The following TKFC variants were observed in gnomAD, a reference collection of about 807,000 sequenced individuals.
TKFC encodes the protein triokinase/FMN cyclase.
TKFC carries 46 observed loss-of-function variants against 61.0 expected under a neutral mutation model. That is an observed-to-expected ratio of 0.75 (90% CI 0.60 to 0.96). The LOEUF (loss-of-function observed/expected upper bound fraction) is 0.96. Ranked by LOEUF, TKFC falls within the 50% of genes least tolerant of loss-of-function variation. TKFC has a pLI of 0.00. For synonymous variants in TKFC, 314 were observed against 330.1 expected (o/e 0.95, Z 0.53); for missense variants, 715 against 777.5 (o/e 0.92, Z 0.96).
chr11:61,339,838 C>T (rs972736656), intron 5 of TKFC, among the ~76,000 whole-genome samples: 1 of 152,172 alleles, frequency 6.6e-6, no homozygotes, highest in Admixed American at 6.5e-5. Flanking sequence ...CTCCACACTA[C>T]TGCCAGAGGT....
rs28720244 is a variant in TKFC at position 61,333,679 on chromosome 11, C to G, written c.-110+350C>G. The G allele has an allele frequency of 7.9e-5, 12 of 152,330 alleles. No individual in the cohort carries two copies. In the East Asian group the frequency reaches 2.3e-3, roughly 29 times the overall value. The allele number at this position is 152,330 out of a possible 1,614,324, so 9.4% of individuals were successfully genotyped here. Reference sequence around the variant, plus strand: ...TGCTTGCCCAACGTTATTAGTGCCCCTATTGCTCTACAAATTCGAACCTCA... The same window carrying G: ...TGCTTGCCCAACGTTATTAGTGCCCGTATTGCTCTACAAATTCGAACCTCA... On this transcript the variant is annotated intron_variant, in intron 1 of 17. Coordinates refer to ENST00000394900, the MANE Select transcript of TKFC (RefSeq NM_015533.4).
Position 61,348,458 on chromosome 11 carries a change from C to T in TKFC, c.*1955C>T. The T allele has an allele frequency of 1.0e-6, 1 of 985,446 alleles. No homozygotes were observed. 61.0% of individuals were successfully genotyped at this position (985,446 alleles called of 1,614,324 possible). On this transcript the variant is annotated 3_prime_UTR_variant, in exon 18 of 18. Coordinates refer to ENST00000394900, the MANE Select transcript of TKFC (RefSeq NM_015533.4). Reference sequence around the variant, plus strand: ...AATTGGCCCAGAACTCATTTAACCACAGCATCATTTCATTAGAGGGCTGTT... The same window carrying T: ...AATTGGCCCAGAACTCATTTAACCATAGCATCATTTCATTAGAGGGCTGTT...
At chr11:61,340,839 T>A (rs903756261) in intron 5 of TKFC, among the ~76,000 whole-genome samples, 6 of 152,092 alleles carry the variant, frequency 3.9e-5, no homozygotes, top group African/African-American at 1.2e-4. Flanking sequence ...CCTGGAAGGC[T>A]CTCCCTGATC....
downstream of TKFC, chr11:61,352,722 G>T: frequency 9.6e-7 from 1 of 1,037,044 alleles, no homozygotes. Flanking sequence ...ATGATGTAGG[G>T]TGGTTGACAG....
downstream of TKFC, chr11:61,350,512 G>C (rs968950332): frequency 3.3e-6 from 5 of 1,527,686 alleles, no homozygotes; most frequent in Non-Finnish European, 4.5e-6. Flanking sequence ...CCAGCCTGCA[G>C]GGTGGTCCCC....
At chr11:61,351,413 C>T (rs1348282353), downstream of TKFC, 8 of 253,050 alleles carry the variant, frequency 3.2e-5, no homozygotes, top group Non-Finnish European at 6.0e-5. Context: ...CCTCAGCCTC[C>T]CAAGTAGCTG....
Position 61,333,311 on chromosome 11 carries a change from C to T in TKFC, c.-128C>T, listed in dbSNP as rs1856454904. On this transcript the variant is annotated 5_prime_UTR_variant, in exon 1 of 18. Transcript: ENST00000394900. ...GCGCCTTCGGATGTGGCGGATGCGGCCGTGAGCCGGCGGGGGAGGTGCGCC... is the reference window on the plus strand; with the variant it reads ...GCGCCTTCGGATGTGGCGGATGCGGTCGTGAGCCGGCGGGGGAGGTGCGCC... The T allele has an allele frequency of 4.8e-6, 1 of 206,480 alleles. No homozygotes were observed. Among genetic ancestry groups the T allele is most frequent in the East Asian group, 1.0e-4 (1 of 9,550 alleles). 12.8% of individuals were successfully genotyped at this position (206,480 alleles called of 1,614,324 possible).
intron 1 of TKFC, chr11:61,333,979 A>C (rs1856496871): frequency 6.6e-6 from 1 of 152,402 alleles, no homozygotes; most frequent in Non-Finnish European, 1.5e-5. Context: ...TTGTGCACCC[A>C]CACAGAGGCC....
Position 61,345,490 on chromosome 11 carries a change from C to T in TKFC, c.1376C>T (p.Ala459Val). 2 of 1,613,390 alleles carry T rather than the reference C, an allele frequency of 1.2e-6. No homozygotes were observed. Among genetic ancestry groups the T allele is most frequent in the Non-Finnish European group, 1.7e-6 (2 of 1,180,036 alleles). Reference protein sequence around the residue: ...ALYGLFLTAAAQPLKAKTSLP... With the variant: ...ALYGLFLTAAVQPLKAKTSLP... ...TATGGCCTGTTCCTGACTGCGGCTG[C>T]ACAGCCCCTGAAGGCCAAGACCAGC... is the stretch of plus-strand genomic sequence containing the variant. The change falls in exon 15 of 18, where the codon GCA becomes GTA. Residue 459 changes from alanine to valine, a missense_variant. Ala to Val is a moderately conservative substitution (Grantham distance 64). Coordinates refer to ENST00000394900, the MANE Select transcript of TKFC (RefSeq NM_015533.4).
intron 13 of TKFC, 43 bp downstream of exon 13, chr11:61,344,316 C>G (rs1283273597): frequency 1.3e-6 from 2 of 1,577,446 alleles, no homozygotes; most frequent in South Asian, 2.3e-5. Flanking sequence ...TTCACAAAAC[C>G]TTAGCCCCCC....
intron 5 of TKFC, 69 bp downstream of exon 5, chr11:61,339,504 G>A: frequency 6.6e-7 from 1 of 1,505,516 alleles, no homozygotes; most frequent in African/African-American, 1.4e-5. Context: ...GCAGCACCCA[G>A]TAACTGGACC....
intron 3 of TKFC, 109 bp downstream of exon 3, chr11:61,338,239 A>C: frequency 9.0e-7 from 1 of 1,106,114 alleles, no homozygotes; most frequent in Non-Finnish European, 1.2e-6. Flanking sequence ...CAGAATCAGG[A>C]ACTGGGGTAC....
chr11:61,341,209 TAA>T (rs1277768123), intron 5 of TKFC, among the ~76,000 whole-genome samples: 2 of 152,166 alleles, frequency 1.3e-5, no homozygotes, highest in Admixed American at 1.3e-4. Flanking sequence ...TCCCCATTTG[TAA>T]AGTCTCTTCT....
chr11:61,345,766 C>T, intron 16 of TKFC, 21 bp downstream of exon 16: 1 of 1,614,236 alleles, frequency 6.2e-7, no homozygotes, highest in Non-Finnish European at 8.5e-7. Flanking sequence ...AGGCTGTGGC[C>T]TCAGACCTTT....
chr11:61,334,418 G>A lies in TKFC; in HGVS notation c.-109-202G>A, dbSNP rs1565043782. ...TAAAGGCAGACCTGTGCTTGACATG[G>A]ATTGATCTGTCTTCTGGCAGTGAAG... is the stretch of plus-strand genomic sequence containing the variant. On this transcript the variant is annotated intron_variant, in intron 1 of 17. Transcript: ENST00000394900. 2.7e-5 allele frequency: 10 copies of A among 371,546 alleles called. No homozygotes were observed. In the East Asian group the frequency reaches 5.3e-4, roughly 20 times the overall value. The allele number at this position is 371,546 out of a possible 1,614,324, so 23.0% of individuals were successfully genotyped here.
chr11:61,336,808 C>G (rs1856626568), intron 2 of TKFC, among the ~76,000 whole-genome samples: 1 of 152,168 alleles, frequency 6.6e-6, no homozygotes, highest in Admixed American at 6.5e-5. Flanking sequence ...TGTCCACAAC[C>G]CCTCCTGAGG....
downstream of TKFC, chr11:61,350,769 T>A (rs1057117415): frequency 3.0e-5 from 19 of 636,838 alleles, no homozygotes; most frequent in Non-Finnish European, 4.9e-5. Flanking sequence ...GGGGGGAAAT[T>A]CTGTCTCCCA....
At position 61,346,589 on chromosome 11, in the gene TKFC, C is replaced by G; in HGVS notation, c.*86C>G. The G allele has an allele frequency of 6.6e-7, 1 of 1,503,948 alleles. No homozygotes were observed. The highest frequency in any genetic ancestry group is 8.8e-7 in the Non-Finnish European group (1 of 1,131,132). The allele number at this position is 1,503,948 out of a possible 1,614,324, so 93.2% of individuals were successfully genotyped here. On this transcript the variant is annotated 3_prime_UTR_variant, in exon 18 of 18. Coordinates refer to ENST00000394900, the MANE Select transcript of TKFC (RefSeq NM_015533.4). The surrounding 1 kb of genome is among the most constrained non-coding windows in gnomAD (Gnocchi z 4.1). ...TCACTTCCTTCTGCCTTCCAACCCT[C>G]ACCTTCCCCCGGCCTGGCCCCATTG...
In TKFC at chr11:61,347,747, AC is replaced by A. The variant is rs768143574; in HGVS notation, c.*1247del. ...TGATCTGAAATCTGATTCTGCTTTA[AC>A]CCGGCTACAGGAGCTAAGGCCTATT... On this transcript the variant is annotated 3_prime_UTR_variant, in exon 18 of 18. Coordinates refer to ENST00000394900, the MANE Select transcript of TKFC (RefSeq NM_015533.4). 2.5e-5 allele frequency: 25 copies of A among 984,480 alleles called. No individual in the cohort carries two copies. The highest frequency in any genetic ancestry group is 2.9e-5 in the Non-Finnish European group (24 of 829,244). 61.0% of individuals were successfully genotyped at this position (984,480 alleles called of 1,614,324 possible).
Sources: gnomAD v4.1 joint callset for allele counts (sites outside exome capture counted in the v4.1 genomes callset) on GRCh38, gnomAD v4.1.1 for gene constraint, Gnocchi (gnomAD v3.1) non-coding constraint, MANE v1.5 for transcripts, NCBI Gene and HGNC (gene_info 2026-07-23, HGNC 2026-07-21) for gene names.